MFSD8: variants seen among roughly 807,000 people sequenced by gnomAD.
MFSD8 encodes major facilitator superfamily domain-containing protein 8.
Under a neutral mutation model 66.4 loss-of-function variants are expected in MFSD8, and 55 were observed. The ratio of observed to expected loss-of-function variants is 0.83; its 90% CI spans 0.67 to 1.04. MFSD8 has a LOEUF of 1.04. Ranked by LOEUF, MFSD8 falls within the 50% of genes least tolerant of loss-of-function variation. MFSD8 has a pLI of 0.00. For missense variants in MFSD8, 550 were observed against 627.6 expected (o/e 0.88, Z 1.32); for synonymous variants, 202 against 212.8 (o/e 0.95, Z 0.44).
chr4:127,942,580 T>C (rs1013623382), intron 4 of MFSD8, among the ~76,000 whole-genome samples: 1 of 151,018 alleles, frequency 6.6e-6, no homozygotes, highest in African/African-American at 2.4e-5. Flanking sequence ...CTCAGGAGGC[T>C]GAGGCAGAAG....
At chr4:127,923,490 G>A (rs1247060981) in intron 9 of MFSD8, among the ~76,000 whole-genome samples, 1 of 151,514 alleles carries the variant, frequency 6.6e-6, no homozygotes, top group African/African-American at 2.4e-5. Flanking sequence ...TTTGATCGTG[G>A]TGGATAAGCT....
rs779560159 is a variant in MFSD8 at position 127,920,666 on chromosome 4, A to C, written c.1521T>G (p.Ile507Met). 1 of 1,614,066 alleles carries C rather than the reference A, an allele frequency of 6.2e-7. No homozygotes were observed. Among genetic ancestry groups the C allele is most frequent in the Admixed American group, 1.7e-5 (1 of 59,998 alleles). ...TCCTCCCATATCTTACAGAAAGAGC[A>C]ATGAGTCTTTTGTAAACCACTCCCA... is the stretch of plus-strand genomic sequence containing the variant. ...TLLGVVYKRL[I>M]ALSVRYGRIQ... is the part of the protein sequence containing the mutation. Residue 507 changes from isoleucine to methionine, a missense_variant, in exon 12 of 12, where the codon ATT becomes ATG. Transcript: ENST00000641686.
chr4:127,957,919 G>A (rs1053151406), intron 1 of MFSD8, among the ~76,000 whole-genome samples: 3 of 151,994 alleles, frequency 2.0e-5, no homozygotes, highest in African/African-American at 4.8e-5. Flanking sequence ...AATAAATTAC[G>A]TCAAGATAAA....
intron 2 of MFSD8, among the ~76,000 whole-genome samples, chr4:127,956,262 T>C (rs1251502754): frequency 1.3e-5 from 2 of 152,004 alleles, no homozygotes; most frequent in Non-Finnish European, 1.5e-5. Flanking sequence ...TTCCAGCACT[T>C]TGGGAGGCTG....
chr4:127,931,836 C>T (rs138403536), intron 8 of MFSD8, among the ~76,000 whole-genome samples: 21 of 152,202 alleles, frequency 1.4e-4, no homozygotes, highest in Middle Eastern at 3.4e-3. Context: ...GTGCCAGGCG[C>T]GGAGGCTCAC....
At position 127,931,834 on chromosome 4, in the gene MFSD8, C is replaced by T. The variant is rs374881341; in HGVS notation, c.864-1017G>A. On this transcript the variant is annotated intron_variant, in intron 8 of 11. Transcript: ENST00000641686. ...AAATAGCTAACATGATAGTGCCAGGCGCGGAGGCTCACGTCTGTAATCCCA... is the reference window on the plus strand; with the variant it reads ...AAATAGCTAACATGATAGTGCCAGGTGCGGAGGCTCACGTCTGTAATCCCA... Among the ~76,000 whole-genome samples the T allele has an allele frequency of 1.7e-4, 26 of 152,194 alleles. No individual in the cohort carries two copies. In the East Asian group the frequency reaches 2.9e-3, roughly 17 times the overall value.
intron 3 of MFSD8, among the ~76,000 whole-genome samples, chr4:127,944,871 G>A (rs1740782179): frequency 6.6e-6 from 1 of 152,116 alleles, no homozygotes; most frequent in Non-Finnish European, 1.5e-5. Flanking sequence ...TGTTGCCCAG[G>A]CTGGTCTTGA....
Position 127,965,169 on chromosome 4 carries a change from C to G in MFSD8, c.-36G>C. 1 of 1,612,550 alleles carries G rather than the reference C, an allele frequency of 6.2e-7. No homozygotes were observed. The highest frequency in any genetic ancestry group is 1.1e-5 in the South Asian group (1 of 90,852). ...CCTACAAGGCGTCTTGCGCCCAACT[C>G]TCGCGACACCTGCTTTCTCCCATCC... On this transcript the variant is annotated 5_prime_UTR_variant, in exon 1 of 12. Coordinates refer to ENST00000641686, the MANE Select transcript of MFSD8 (RefSeq NM_001371596.2).
At chr4:127,943,714 T>C (rs760339880) in intron 4 of MFSD8, 38 bp downstream of exon 4, 1 of 1,613,430 alleles carries the variant, frequency 6.2e-7, no homozygotes, top group African/African-American at 1.3e-5. Context: ...AGAATGAATG[T>C]GAATATGACA....
rs1238486582 is a variant in MFSD8 at position 127,933,220 on chromosome 4, A to C, written c.755-127T>G. 5.7e-6 allele frequency: 4 copies of C among 704,348 alleles called. No homozygotes were observed. The Admixed American group carries it at 1.1e-4, about 19-fold the overall frequency. 43.6% of individuals were successfully genotyped at this position (704,348 alleles called of 1,614,324 possible). On this transcript the variant is annotated intron_variant, in intron 7 of 11. Transcript: ENST00000641686. ...ACATTTAAAAAAATTTTTAGGCTTC[A>C]AAGTAGTTTAATAATAAGAGAATTT...
rs1227280018 is a variant in MFSD8 at position 127,949,815 on chromosome 4, A to G, written c.187T>C (p.Tyr63His). ...TGAAATGTACAAACCTTTTGGAGAT[A>G]TGGCCATATGGACATCATCACTACA... ...FSVVMMSIWP[Y>H]LQKIDPTADT... Residue 63 changes from tyrosine (Y) to histidine (H), a missense_variant, in exon 3 of 12, where the codon TAT becomes CAT. Physicochemically the swap from Tyr to His is moderately conservative, Grantham distance 83. Transcript: ENST00000641686. The G allele has an allele frequency of 8.7e-6, 14 of 1,612,000 alleles. No homozygotes were observed. Among genetic ancestry groups the G allele is most frequent in the Admixed American group, 1.7e-5 (1 of 59,912 alleles).
chr4:127,922,522 G>A (rs927073288), intron 9 of MFSD8, among the ~76,000 whole-genome samples: 2 of 152,040 alleles, frequency 1.3e-5, no homozygotes, highest in Admixed American at 1.3e-4. Flanking sequence ...CTACTTAGGA[G>A]GTTGAGGCAG....
intron 7 of MFSD8, among the ~76,000 whole-genome samples, chr4:127,936,947 C>T (rs541562710): frequency 3.9e-5 from 6 of 152,254 alleles, no homozygotes; most frequent in Admixed American, 1.3e-4. Context: ...TAACTTCCTC[C>T]GTCACTTTAC....
intron 2 of MFSD8, among the ~76,000 whole-genome samples, chr4:127,952,016 C>T (rs190944536): frequency 4.7e-4 from 72 of 152,152 alleles, no homozygotes; most frequent in African/African-American, 1.7e-3. Flanking sequence ...GTGTGAGCAA[C>T]CGCGCCTGGC....
intron 5 of MFSD8, 149 bp downstream of exon 5, chr4:127,941,896 G>C: frequency 1.5e-6 from 1 of 663,372 alleles, no homozygotes; most frequent in Non-Finnish European, 2.7e-6. Context: ...GATAAAATGA[G>C]TGTAGCCTCA....
intron 9 of MFSD8, among the ~76,000 whole-genome samples, chr4:127,922,705 T>C (rs778557564): frequency 6.6e-6 from 1 of 152,106 alleles, no homozygotes; most frequent in Non-Finnish European, 1.5e-5. Flanking sequence ...TTGAGGATGT[T>C]AGGGAAACAA....
intron 4 of MFSD8, 50 bp downstream of exon 4, chr4:127,943,702 T>C (rs1417415304): frequency 6.2e-7 from 1 of 1,612,188 alleles, no homozygotes; most frequent in Non-Finnish European, 8.5e-7. Flanking sequence ...GCCATAAATG[T>C]CAGAATGAAT....
In MFSD8 at chr4:127,920,457, T is replaced by C. The variant is rs1413565543; in HGVS notation, c.*173A>G. The C allele has an allele frequency of 1.5e-6, 1 of 683,662 alleles. No homozygotes were observed. The highest frequency in any genetic ancestry group is 2.7e-5 in the East Asian group (1 of 36,998). The allele number at this position is 683,662 out of a possible 1,614,324, so 42.3% of individuals were successfully genotyped here. ...TCTAGTATGTTTTTATATAACCTACTATTCACAATGACATGTAGAATTCTC... is the reference window on the plus strand; with the variant it reads ...TCTAGTATGTTTTTATATAACCTACCATTCACAATGACATGTAGAATTCTC... On this transcript the variant is annotated 3_prime_UTR_variant, in exon 12 of 12. Transcript: ENST00000641686.
At chr4:127,955,236 C>T (rs1378130793) in intron 2 of MFSD8, among the ~76,000 whole-genome samples, 1 of 152,126 alleles carries the variant, frequency 6.6e-6, no homozygotes, top group Admixed American at 6.6e-5. Flanking sequence ...ACCCAAATGT[C>T]CATCGACAGA....
Sources: allele counts gnomAD v4.1 joint callset (sites outside exome capture counted in the v4.1 genomes callset), GRCh38; gene constraint gnomAD v4.1.1; transcripts MANE v1.5; gene names NCBI Gene and HGNC (gene_info 2026-07-23, HGNC 2026-07-21).